AP3D1: variants seen among roughly 807,000 people sequenced by gnomAD.
AP3D1 encodes the protein adaptor related protein complex 3 subunit delta 1, also known as AP-3 complex subunit delta-1.
Under a neutral mutation model 147.6 loss-of-function variants are expected in AP3D1, and 51 were observed. The observed-to-expected ratio is 0.35, with a 90% CI of 0.28 to 0.44. The LOEUF (loss-of-function observed/expected upper bound fraction) is 0.44, where lower values mean the gene tolerates loss of function less well. Among genes scored for constraint, AP3D1 ranks in the 20% least tolerant of loss-of-function variants. The pLI, the probability that AP3D1 is intolerant of heterozygous loss-of-function variation, is 1.00. For missense variants in AP3D1, 1,421 were observed against 1,624.2 expected, an observed-to-expected ratio of 0.87 and a Z score of 2.15; for synonymous variants, 760 against 663.0, an observed-to-expected ratio of 1.15 and a Z score of -2.25.
intron 6 of AP3D1, among the ~76,000 whole-genome samples, chr19:2,129,859 G>A (rs566507674): frequency 5.9e-5 from 9 of 152,306 alleles, no homozygotes; most frequent in African/African-American, 1.9e-4. Flanking sequence ...CTCGCCCATC[G>A]GGTCCCGGGC....
At chr19:2,162,671 A>AC (rs939346586) in intron 1 of AP3D1, among the ~76,000 whole-genome samples, 7 of 123,844 alleles carry the variant, frequency 5.7e-5, no homozygotes, top group Admixed American at 1.6e-4. Flanking sequence ...CAAAAAACAA[A>AC]CCCCCCCACT....
chr19:2,143,956 C>T (rs561065891), intron 1 of AP3D1, among the ~76,000 whole-genome samples: 11 of 151,664 alleles, frequency 7.3e-5, no homozygotes, highest in African/African-American at 1.2e-4. Flanking sequence ...GGTGGTGGCT[C>T]GCACCTGTAA....
intron 24 of AP3D1, chr19:2,112,246 G>T (rs1393185210): frequency 4.2e-6 from 1 of 236,468 alleles, no homozygotes; most frequent in East Asian, 1.1e-4. Flanking sequence ...ATCAACAGAT[G>T]AGTGGGTCAG....
chr19:2,125,835 G>C (rs1376601263), intron 9 of AP3D1, among the ~76,000 whole-genome samples: 1 of 145,648 alleles, frequency 6.9e-6, no homozygotes, highest in Non-Finnish European at 1.5e-5. Context: ...AGTAAAGCTA[G>C]AAAAAAAAAA....
intron 1 of AP3D1, among the ~76,000 whole-genome samples, chr19:2,139,136 GA>G (rs1178622114): frequency 1.3e-5 from 2 of 148,236 alleles, no homozygotes; most frequent in Non-Finnish European, 3.0e-5. Flanking sequence ...CCATTTCTAT[GA>G]AATGTCCAGA....
chr19:2,102,715 G>A (rs1030562091), intron 31 of AP3D1, among the ~76,000 whole-genome samples: 4 of 145,350 alleles, frequency 2.8e-5, no homozygotes, highest in Non-Finnish European at 6.0e-5. Flanking sequence ...GCGACACAGC[G>A]AGACTGTCTC....
chr19:2,116,578 G>A, intron 17 of AP3D1, 27 bp downstream of exon 17: 2 of 1,554,412 alleles, frequency 1.3e-6, no homozygotes, highest in Admixed American at 1.9e-5. Context: ...GGAGACGAGG[G>A]CTCGCCAGGG....
chr19:2,136,872 T>A, intron 4 of AP3D1, 139 bp downstream of exon 4: 1 of 760,512 alleles, frequency 1.3e-6, no homozygotes, highest in Admixed American at 2.1e-5. Context: ...CTGGGAGGAC[T>A]GTGGCTCCGG....
intron 11 of AP3D1, among the ~76,000 whole-genome samples, chr19:2,122,290 C>A (rs1435954195): frequency 2.0e-5 from 3 of 152,250 alleles, no homozygotes; most frequent in Non-Finnish European, 4.4e-5. Context: ...TAGCCCAAAC[C>A]AGCTCACGGA....
chr19:2,143,464 T>A lies in AP3D1; in HGVS notation c.97-4750A>T, dbSNP rs188030556. On this transcript the variant is annotated intron_variant, in intron 1 of 31. Transcript: ENST00000643116. ...GCCGTGTTAGCCAGGATGGTCTCGA[T>A]CTCCTGACCTTGTGATCCGCCCACC... Among the ~76,000 whole-genome samples, 76 of 151,666 alleles carry A rather than the reference T, an allele frequency of 5.0e-4. 1 individual carries two copies. The East Asian group carries it at 0.014, about 28-fold the overall frequency.
intron 24 of AP3D1, 118 bp from the exon 25 acceptor site, chr19:2,111,946 G>A: frequency 6.6e-7 from 1 of 1,514,442 alleles, no homozygotes; most frequent in Non-Finnish European, 8.9e-7. Context: ...TGCCTGGGTG[G>A]GATGGCAGGA....
rs906076024 is a variant in AP3D1 at position 2,117,173 on chromosome 19, G to A, written c.1859+49C>T. The A allele has an allele frequency of 3.9e-6, 6 of 1,531,636 alleles. No individual in the cohort carries two copies. The African/African-American group carries it at 8.3e-5, about 21-fold the overall frequency. 94.9% of individuals were successfully genotyped at this position (1,531,636 alleles called of 1,614,324 possible). ...CCCCGCTGTGCCACCAGGCATCAAG[G>A]GACCATGTCAGGGCCATGGTTGCAA... On this transcript the variant is annotated intron_variant, in intron 16 of 31. Transcript: ENST00000643116.
At chr19:2,111,911 G>C (rs79777473) in intron 24 of AP3D1, 83 bp from the exon 25 acceptor site, 14 of 1,589,838 alleles carry the variant, frequency 8.8e-6, no homozygotes, top group South Asian at 2.2e-5. Flanking sequence ...ATCACAGCAG[G>C]GCTGCTCAGG....
chr19:2,151,175 C>T, intron 1 of AP3D1, 64 bp downstream of exon 1: 2 of 1,494,880 alleles, frequency 1.3e-6, no homozygotes, highest in Non-Finnish European at 1.8e-6. Context: ...GCCCAGTGAG[C>T]AGGGCTGGGC....
chr19:2,145,887 G>A lies in AP3D1; in HGVS notation c.96+5352C>T, dbSNP rs371479215. 2.5e-4 allele frequency among the ~76,000 whole-genome samples: 38 copies of A among 152,332 alleles called. No individual in the cohort carries two copies. In the South Asian group the frequency reaches 3.1e-3, roughly 12 times the overall value. On this transcript the variant is annotated intron_variant, in intron 1 of 31. Transcript: ENST00000643116. ...TCAGGAAGAACGCAAGCGGCTAAACGCCTGTGAATGAGTGAACCGCACTCA... is the reference window on the plus strand; with the variant it reads ...TCAGGAAGAACGCAAGCGGCTAAACACCTGTGAATGAGTGAACCGCACTCA...
chr19:2,116,243 G>A lies in AP3D1; in HGVS notation c.2037C>T (p.Asn679=). 1 of 1,614,178 alleles carries A rather than the reference G, an allele frequency of 6.2e-7. No individual in the cohort carries two copies. The highest frequency in any genetic ancestry group is 1.1e-5 in the South Asian group (1 of 91,092). The change falls in exon 18 of 32, where the codon AAC becomes AAT. Residue 679 remains asparagine (N), a synonymous_variant. Coordinates refer to ENST00000643116, the MANE Select transcript of AP3D1 (RefSeq NM_001261826.3). ...REARKQEQAN[N]PFYIKSSPSP... ...ATGGCGAGCTCTTGATGTAGAAGGGGTTGTTGGCCTGCTCCTGCTTCCGGG... is the reference window on the plus strand; with the variant it reads ...ATGGCGAGCTCTTGATGTAGAAGGGATTGTTGGCCTGCTCCTGCTTCCGGG...
chr19:2,127,754 T>C (rs1387789927), intron 8 of AP3D1, among the ~76,000 whole-genome samples: 1 of 152,250 alleles, frequency 6.6e-6, no homozygotes, highest in Non-Finnish European at 1.5e-5. Flanking sequence ...CTTGAACTCC[T>C]GACCTCAAGT....
At chr19:2,150,017 GAGA>G (rs965300071) in intron 1 of AP3D1, among the ~76,000 whole-genome samples, 9 of 152,300 alleles carry the variant, frequency 5.9e-5, no homozygotes, top group Admixed American at 6.5e-5. Context: ...AAGTGGGGTG[GAGA>G]AGAACAAAAA....
chr19:2,137,096 G>C lies in AP3D1; in HGVS notation c.274-5C>G. ...AGCAGCGAGGTAGCCAATTCGCTGGGAGAGAACAGATGAGCACATCAGAGG... is the reference window on the plus strand; with the variant it reads ...AGCAGCGAGGTAGCCAATTCGCTGGCAGAGAACAGATGAGCACATCAGAGG... On this transcript the variant is annotated splice_region_variant and splice_polypyrimidine_tract_variant and intron_variant, in intron 3 of 31. Transcript: ENST00000643116. 6.3e-7 allele frequency: 1 copy of C among 1,578,224 alleles called. No individual in the cohort carries two copies.
Sources: allele counts gnomAD v4.1 joint callset (sites outside exome capture counted in the v4.1 genomes callset), GRCh38; gene constraint gnomAD v4.1.1; transcripts MANE v1.5; gene names NCBI Gene and HGNC (gene_info 2026-07-23, HGNC 2026-07-21).